The following CSMD1 variants were observed in gnomAD, a reference collection of about 807,000 sequenced individuals.
The protein encoded by CSMD1 is CUB and sushi domain-containing protein 1.
In CSMD1, 213 loss-of-function variants were observed where a neutral mutation model predicts 417.5. The observed-to-expected ratio is 0.51, with a 90% CI of 0.46 to 0.57. The LOEUF is 0.57. Ranked by LOEUF, CSMD1 falls within the 20% of genes least tolerant of loss-of-function variation. CSMD1 has a pLI of 0.00. For missense variants in CSMD1, 6,923 were observed against 4,529.7 expected, an observed-to-expected ratio of 1.53 and a Z score of -15.17; for synonymous variants, 2,862 against 1,736.8, an observed-to-expected ratio of 1.65 and a Z score of -16.11.
At chr8:4,420,133 G>T (rs1008928039) in intron 2 of CSMD1, 68 bp from the exon 3 acceptor site, 2 of 1,073,486 alleles carry the variant, frequency 1.9e-6, no homozygotes, top group South Asian at 2.7e-5. Flanking sequence ...CTTATTTGAT[G>T]AAGTCACTGA....
chr8:4,454,087 G>C (rs941503286), intron 2 of CSMD1, among the ~76,000 whole-genome samples: 1 of 152,062 alleles, frequency 6.6e-6, no homozygotes, highest in South Asian at 2.1e-4. Context: ...CTCCCTAAGT[G>C]CTGGGATTAC....
At chr8:3,051,453 G>A (rs969751986) in intron 50 of CSMD1, among the ~76,000 whole-genome samples, 1 of 152,166 alleles carries the variant, frequency 6.6e-6, no homozygotes, top group Non-Finnish European at 1.5e-5. Flanking sequence ...GAGGGTGGAG[G>A]GTGGGAGGAA....
At chr8:4,185,422 G>C (rs11136709) in intron 3 of CSMD1, among the ~76,000 whole-genome samples, 1 of 151,932 alleles carries the variant, frequency 6.6e-6, no homozygotes, top group Non-Finnish European at 1.5e-5. Context: ...AAACATACAC[G>C]TGTGAGCTTG....
chr8:3,067,783 T>G, intron 49 of CSMD1, among the ~76,000 whole-genome samples: 1 of 152,004 alleles, frequency 6.6e-6, no homozygotes, highest in South Asian at 2.1e-4. Context: ...AACTTTATGG[T>G]TTCTATCCTT....
intron 6 of CSMD1, among the ~76,000 whole-genome samples, chr8:3,725,717 G>A (rs1245437346): frequency 6.6e-6 from 1 of 152,158 alleles, no homozygotes; most frequent in African/African-American, 2.4e-5. Context: ...AGAGTAGGCA[G>A]AGGGCCACAT....
intron 25 of CSMD1, among the ~76,000 whole-genome samples, chr8:3,294,129 T>A (rs896173309): frequency 3.9e-5 from 6 of 152,226 alleles, no homozygotes; most frequent in Admixed American, 2.6e-4. Flanking sequence ...CAGCAGAGAC[T>A]GCAGAACAGC....
intron 7 of CSMD1, among the ~76,000 whole-genome samples, 189 bp downstream of exon 7, chr8:3,708,225 C>T (rs1801289405): frequency 6.6e-6 from 1 of 152,108 alleles, no homozygotes; most frequent in Non-Finnish European, 1.5e-5. Context: ...GTTAGAACCA[C>T]CACGACATTC....
At chr8:4,256,006 T>C (rs1003276507) in intron 3 of CSMD1, among the ~76,000 whole-genome samples, 11 of 152,182 alleles carry the variant, frequency 7.2e-5, no homozygotes, top group Admixed American at 2.6e-4. Flanking sequence ...GAGAGGGTTA[T>C]CTCATAAATA....
chr8:4,759,711 A>C (rs1178540189), intron 1 of CSMD1, among the ~76,000 whole-genome samples: 2 of 152,136 alleles, frequency 1.3e-5, no homozygotes, highest in Non-Finnish European at 2.9e-5. Context: ...AATGGCTTCC[A>C]GCTCTATCCA....
Position 4,624,229 on chromosome 8 carries a change from C to A in CSMD1, c.302+13113G>T, listed in dbSNP as rs922760225. Among the ~76,000 whole-genome samples the A allele has an allele frequency of 3.4e-4, 52 of 152,212 alleles. 1 individual carries two copies. Among genetic ancestry groups the A allele is most frequent in the Non-Finnish European group, 1.3e-4 (9 of 68,014 alleles). On this transcript the variant is annotated intron_variant, in intron 2 of 69. Transcript: ENST00000635120. Reference sequence around the variant, plus strand: ...TCTATTTGTCTAAAGCCCCTGATAACGTGCAAGTACACTTCCGGTAGATCA... The same window carrying A: ...TCTATTTGTCTAAAGCCCCTGATAAAGTGCAAGTACACTTCCGGTAGATCA...
intron 12 of CSMD1, among the ~76,000 whole-genome samples, chr8:3,467,647 G>A (rs111340173): frequency 0.02 from 3,070 of 152,170 alleles, 117 homozygotes; most frequent in African/African-American, 0.07. Flanking sequence ...GGATACTCCG[G>A]GGTGGGCCCA....
At chr8:3,699,940 TCCCTGGGTTATATCCCATAACTACA>T (rs1800761176) in intron 7 of CSMD1, among the ~76,000 whole-genome samples, 1 of 151,446 alleles carries the variant, frequency 6.6e-6, no homozygotes, top group Non-Finnish European at 1.5e-5. Flanking sequence ...CATAACTACA[TCCCTGGGTTATATCCCATAACTACA>T]TCCCTGGGTT....
At chr8:3,508,470 A>T (rs1172065263) in intron 10 of CSMD1, among the ~76,000 whole-genome samples, 2 of 151,940 alleles carry the variant, frequency 1.3e-5, no homozygotes, top group Non-Finnish European at 2.9e-5. Context: ...ACAAACCTGC[A>T]TGTTGTGCAC....
At chr8:2,953,806 C>T (rs567916082) in intron 65 of CSMD1, among the ~76,000 whole-genome samples, 1 of 152,288 alleles carries the variant, frequency 6.6e-6, no homozygotes, top group East Asian at 1.9e-4. Flanking sequence ...AAATTGGGCT[C>T]CATGTCTGAA....
At chr8:4,170,995 C>T (rs943166291) in intron 3 of CSMD1, among the ~76,000 whole-genome samples, 9 of 151,940 alleles carry the variant, frequency 5.9e-5, no homozygotes, top group African/African-American at 1.5e-4. Flanking sequence ...TGTAAGTTCA[C>T]ACCTTCAGCA....
chr8:3,905,918 A>G (rs1430712029), intron 5 of CSMD1, among the ~76,000 whole-genome samples: 1 of 152,186 alleles, frequency 6.6e-6, no homozygotes, highest in Non-Finnish European at 1.5e-5. Flanking sequence ...GCAATGGGCC[A>G]ATTTATAACC....
chr8:4,936,053 G>T (rs561716643), intron 1 of CSMD1, among the ~76,000 whole-genome samples: 1 of 152,310 alleles, frequency 6.6e-6, no homozygotes, highest in South Asian at 2.1e-4. Flanking sequence ...CTTAATCAAA[G>T]AAACAGCAAA....
At chr8:4,655,312 G>C (rs1804158239) in intron 1 of CSMD1, among the ~76,000 whole-genome samples, 1 of 152,048 alleles carries the variant, frequency 6.6e-6, no homozygotes, top group Admixed American at 6.5e-5. Flanking sequence ...GCTGATCCTA[G>C]TTCCTCAATG....
chr8:4,027,872 A>T (rs1004624131), intron 4 of CSMD1, among the ~76,000 whole-genome samples: 2 of 152,218 alleles, frequency 1.3e-5, no homozygotes. Flanking sequence ...AAATAAAGAG[A>T]ACAAAGACAC....
Sources: allele counts gnomAD v4.1 joint callset (sites outside exome capture counted in the v4.1 genomes callset), GRCh38; gene constraint gnomAD v4.1.1; transcripts MANE v1.5; gene names NCBI Gene and HGNC (gene_info 2026-07-23, HGNC 2026-07-21).